SORCS2: variants seen among roughly 807,000 people sequenced by gnomAD.
SORCS2 encodes the protein VPS10 domain-containing receptor SorCS2.
In SORCS2, 100 loss-of-function variants were observed where a neutral mutation model predicts 141.6. The ratio of observed to expected loss-of-function variants is 0.71; its 90% CI spans 0.60 to 0.83. The LOEUF is 0.83. Ranked by LOEUF, SORCS2 falls within the 40% of genes least tolerant of loss-of-function variation. SORCS2 has a pLI of 0.00. For synonymous variants in SORCS2, 789 were observed against 676.9 expected (o/e 1.17, Z -2.57); for missense variants, 1,646 against 1,560.2 (o/e 1.05, Z -0.93).
chr4:7,328,149 C>T (rs113031823), intron 1 of SORCS2, among the ~76,000 whole-genome samples: 21,494 of 150,646 alleles, frequency 0.14, 1,684 homozygotes, highest in Middle Eastern at 0.22. Context: ...CCTCAGCCTC[C>T]GGAGTAGCTG....
chr4:7,533,720 T>G (rs28498733), intron 3 of SORCS2, among the ~76,000 whole-genome samples: 18,537 of 152,242 alleles, frequency 0.12, 3,063 homozygotes, highest in African/African-American at 0.38. Context: ...AGGTGTCACA[T>G]GGAGACTGGG....
chr4:7,252,190 C>T (rs2108806757), intron 1 of SORCS2, among the ~76,000 whole-genome samples: 2 of 152,268 alleles, frequency 1.3e-5, no homozygotes, highest in East Asian at 1.9e-4. Context: ...CTTGTGGAGG[C>T]TGGGGAGTCG....
chr4:7,461,951 C>T (rs1473027500), intron 2 of SORCS2, among the ~76,000 whole-genome samples: 3 of 150,968 alleles, frequency 2.0e-5, no homozygotes, highest in African/African-American at 4.9e-5. Flanking sequence ...AGTGCCTCTG[C>T]TGTCCCACGG....
chr4:7,334,551 G>A (rs1719871126), intron 1 of SORCS2, among the ~76,000 whole-genome samples: 1 of 152,210 alleles, frequency 6.6e-6, no homozygotes, highest in Non-Finnish European at 1.5e-5. Flanking sequence ...GGTGGCAGCT[G>A]AACTTTTGTT....
At chr4:7,254,773 C>T (rs751374600) in intron 1 of SORCS2, among the ~76,000 whole-genome samples, 2 of 152,138 alleles carry the variant, frequency 1.3e-5, no homozygotes, top group South Asian at 4.2e-4. Flanking sequence ...GCTTGGACCT[C>T]GGGTTCTGCA....
Position 7,667,470 on chromosome 4 carries a change from G to A in SORCS2, c.1161+257G>A, listed in dbSNP as rs143940052. The stretch of plus-strand genomic sequence containing the variant: ...CCCTCTGCCTGGTTCATCTTTCCCC[G>A]GAACCCTTGCACATGTGGTATTTGA... On this transcript the variant is annotated intron_variant, in intron 8 of 26. Transcript: ENST00000507866. 1.1e-4 allele frequency among the ~76,000 whole-genome samples: 16 copies of A among 152,242 alleles called. No homozygotes were observed. In the East Asian group the frequency reaches 2.5e-3, roughly 24 times the overall value.
rs564837449 is a variant in SORCS2 at position 7,472,731 on chromosome 4, G to A, written c.549-58799G>A. Among the ~76,000 whole-genome samples the A allele has an allele frequency of 3.3e-5, 5 of 152,296 alleles. 1 individual carries two copies. The South Asian group carries it at 8.3e-4, about 25-fold the overall frequency. On this transcript the variant is annotated intron_variant, in intron 2 of 26. Coordinates refer to ENST00000507866, the MANE Select transcript of SORCS2 (RefSeq NM_020777.3). ...GCTGGCCCCATCCCATTAAGACGAG[G>A]CTCCGCTGAGACTGGTCCCCGCTGG...
intron 2 of SORCS2, among the ~76,000 whole-genome samples, chr4:7,442,983 G>A (rs4323103): frequency 0.038 from 5,752 of 152,230 alleles, 328 homozygotes; most frequent in African/African-American, 0.13. Context: ...TCCCCGGGCC[G>A]GGGTTTGCAG....
chr4:7,602,680 C>T lies in SORCS2; in HGVS notation c.649-35648C>T, dbSNP rs191551893. 3.2e-3 allele frequency among the ~76,000 whole-genome samples: 477 copies of T among 150,750 alleles called. 2 individuals carry two copies. Among genetic ancestry groups the T allele is most frequent in the Non-Finnish European group, 5.5e-3 (372 of 67,778 alleles). On this transcript the variant is annotated intron_variant, in intron 3 of 26. Coordinates refer to ENST00000507866, the MANE Select transcript of SORCS2 (RefSeq NM_020777.3). ...GGCACTCCTCACTTCCCAGGCTGGG[C>T]GGCCGGGCAGAGGGGCTCCTCACAT...
chr4:7,454,660 G>T (rs1226040384), intron 2 of SORCS2, among the ~76,000 whole-genome samples: 2 of 126,086 alleles, frequency 1.6e-5, no homozygotes, highest in Non-Finnish European at 3.3e-5. Flanking sequence ...CTGTGTTGGG[G>T]TCAGGCTCTG....
intron 3 of SORCS2, among the ~76,000 whole-genome samples, chr4:7,567,238 G>A (rs1044008641): frequency 6.6e-6 from 1 of 152,152 alleles, no homozygotes; most frequent in South Asian, 2.1e-4. Context: ...GAACCAATAT[G>A]GATGCGTTAA....
intron 2 of SORCS2, among the ~76,000 whole-genome samples, chr4:7,409,695 G>A (rs1176347318): frequency 6.6e-6 from 1 of 152,156 alleles, no homozygotes; most frequent in African/African-American, 2.4e-5. Flanking sequence ...CAGGCAGGAT[G>A]GGGACAGAGG....
intron 1 of SORCS2, among the ~76,000 whole-genome samples, chr4:7,309,014 C>T (rs1718016895): frequency 6.6e-6 from 1 of 152,206 alleles, no homozygotes; most frequent in Non-Finnish European, 1.5e-5. Context: ...GAGCCCTGGG[C>T]AGAATTCTCT....
chr4:7,445,198 G>C (rs1008211664), intron 2 of SORCS2, among the ~76,000 whole-genome samples: 3 of 152,218 alleles, frequency 2.0e-5, no homozygotes, highest in Non-Finnish European at 4.4e-5. Context: ...GAGTCTCTGG[G>C]ACATGCCTGC....
chr4:7,576,745 T>C lies in SORCS2; in HGVS notation c.648+45116T>C, dbSNP rs1412031205. ...TTCCTGGAATGCCATGGTAGGGGGTTGAGAGTCTGTCATAGACAGCAAAGG... is the reference window on the plus strand; with the variant it reads ...TTCCTGGAATGCCATGGTAGGGGGTCGAGAGTCTGTCATAGACAGCAAAGG... On this transcript the variant is annotated intron_variant, in intron 3 of 26. Transcript: ENST00000507866. 3.9e-5 allele frequency among the ~76,000 whole-genome samples: 6 copies of C among 152,022 alleles called. 1 individual carries two copies. The highest frequency in any genetic ancestry group is 3.9e-4 in the Admixed American group (6 of 15,270).
At chr4:7,513,764 C>T (rs1451504570) in intron 2 of SORCS2, among the ~76,000 whole-genome samples, 1 of 152,184 alleles carries the variant, frequency 6.6e-6, no homozygotes, top group Admixed American at 6.5e-5. Flanking sequence ...CGACTTAACT[C>T]GTAATTTTCA....
chr4:7,543,947 T>TCCATCCAC (rs1713017616), intron 3 of SORCS2, among the ~76,000 whole-genome samples: 1 of 21,062 alleles, frequency 4.7e-5, no homozygotes, highest in Non-Finnish European at 1.0e-4. Context: ...CACCCATCCA[T>TCCATCCAC]CCATCCATCC....
chr4:7,391,973 G>A (rs550399810), intron 1 of SORCS2, among the ~76,000 whole-genome samples: 122 of 152,350 alleles, frequency 8.0e-4, no homozygotes, highest in African/African-American at 2.9e-3. Flanking sequence ...AGGAGTGGCA[G>A]CTGCTGCCGG....
intron 19 of SORCS2, among the ~76,000 whole-genome samples, chr4:7,724,928 GGT>G (rs1727080653): frequency 1.2e-5 from 1 of 85,042 alleles, no homozygotes; most frequent in Admixed American, 1.2e-4. Flanking sequence ...AATGGATGGT[GGT>G]AGTAGTGGTG....
Sources: gnomAD v4.1 joint callset for allele counts (sites outside exome capture counted in the v4.1 genomes callset) on GRCh38, gnomAD v4.1.1 for gene constraint, MANE v1.5 for transcripts, NCBI Gene and HGNC (gene_info 2026-07-23, HGNC 2026-07-21) for gene names.